Variants in GSTT4 observed in about 807,000 individuals in gnomAD.
GSTT4 encodes the protein glutathione S-transferase theta 4, also known as glutathione S-transferase theta-4.
rs368378952 is a variant in GSTT4 at position 23,998,448 on chromosome 22, GT to G, written c.*93del. The G allele has an allele frequency of 0.025, 902 of 35,582 alleles. 11 individuals carry two copies. The highest frequency in any genetic ancestry group is 0.071 in the African/African-American group (823 of 11,574). 2.2% of individuals were successfully genotyped at this position (35,582 alleles called of 1,614,324 possible). ...TTAGGCAAAGAACAGTTGTTTTTTT[GT>G]TTTTTTGTTTTTTTTTTTTTAACAT... is the stretch of plus-strand genomic sequence containing the variant. On this transcript the variant is annotated 3_prime_UTR_variant, in exon 5 of 5. Coordinates refer to ENST00000621179, the MANE Select transcript of GSTT4 (RefSeq NM_001358664.2).
At chr22:23,989,591 G>C in the GSTT4 span, among the ~76,000 whole-genome samples, 1 of 148,282 alleles carries the variant, frequency 6.7e-6, no homozygotes, top group African/African-American at 2.4e-5. Flanking sequence ...TGGGTGACCT[G>C]TCAATACCCC....
At chr22:23,992,003 AGCTCACGCCACT>A in the GSTT4 span, among the ~76,000 whole-genome samples, 3 of 135,696 alleles carry the variant, frequency 2.2e-5, no homozygotes, top group South Asian at 8.1e-4. Context: ...CAGTGAGCCG[AGCTCACGCCACT>A]GCACTCCAGC....
intron 1 of GSTT4, chr22:24,004,835 C>G (rs1177042332): frequency 6.5e-6 from 1 of 153,448 alleles, no homozygotes; most frequent in African/African-American, 2.4e-5. Context: ...CCCTGTGGAC[C>G]TCTGGGGTGA....
At position 24,001,211 on chromosome 22, in the gene GSTT4, G is replaced by A. The variant is rs2034222359; in HGVS notation, c.315C>T (p.Ala105=). The A allele has an allele frequency of 6.7e-6, 1 of 150,048 alleles. No individual in the cohort carries two copies. Among genetic ancestry groups the A allele is most frequent in the Non-Finnish European group, 1.5e-5 (1 of 67,514 alleles). The allele number at this position is 150,048 out of a possible 1,614,324, so 9.3% of individuals were successfully genotyped here. ...VDEFVAWQHT[A]FQLPMKKIVW... Reference sequence around the variant, plus strand: ...CTATCTTCTTCATGGGCAGCTGAAAGGCCGTGTGTTGCCAAGCCACGAACT... The same window carrying A: ...CTATCTTCTTCATGGGCAGCTGAAAAGCCGTGTGTTGCCAAGCCACGAACT... The change falls in exon 3 of 5, where the codon GCC becomes GCT. Residue 105 remains alanine, a synonymous_variant. Transcript: ENST00000621179.
chr22:24,002,830 C>CAAA (rs57115393), intron 2 of GSTT4, among the ~76,000 whole-genome samples: 52 of 89,818 alleles, frequency 5.8e-4, no homozygotes, highest in East Asian at 1.2e-3. Flanking sequence ...GACTCCGTCT[C>CAAA]AAAAAAAAAA....
chr22:24,005,047 C>T (rs1398052186), intron 1 of GSTT4, 198 bp downstream of exon 1: 6 of 152,256 alleles, frequency 3.9e-5, no homozygotes, highest in African/African-American at 7.2e-5. Context: ...CACCTCTAAT[C>T]CCAGCTACTT....
downstream of GSTT4, among the ~76,000 whole-genome samples, chr22:23,997,855 C>A (rs2034132365): frequency 6.6e-6 from 1 of 152,102 alleles, no homozygotes; most frequent in Non-Finnish European, 1.5e-5. Flanking sequence ...TAAATCTGGG[C>A]ATGTTGTGTT....
At chr22:23,990,024 C>CCT in the GSTT4 span, among the ~76,000 whole-genome samples, 5 of 150,244 alleles carry the variant, frequency 3.3e-5, no homozygotes, top group Non-Finnish European at 5.9e-5. Flanking sequence ...CAGGGTCCTC[C>CCT]CTCTGGCCTG....
downstream of GSTT4, among the ~76,000 whole-genome samples, chr22:23,995,041 T>C (rs190947619): frequency 4.5e-4 from 69 of 152,332 alleles, no homozygotes; most frequent in Non-Finnish European, 5.4e-4. Flanking sequence ...TCTGTCCCTC[T>C]GGGCTCTGGG....
chr22:24,002,906 TAG>T (rs1329521336), intron 2 of GSTT4, among the ~76,000 whole-genome samples: 10 of 147,716 alleles, frequency 6.8e-5, no homozygotes, highest in African/African-American at 2.5e-4. Context: ...GAGATAATCA[TAG>T]AGTTTTGAAC....
Position 24,000,006 on chromosome 22 carries a change from T to A in GSTT4, c.528+69A>T, listed in dbSNP as rs1452434248. On this transcript the variant is annotated intron_variant, in intron 4 of 4. Transcript: ENST00000621179. The stretch of plus-strand genomic sequence containing the variant: ...GCCTCACCAGCCTATCCTCAAGTGA[T>A]GGCCCCATTGGTCACAGAGGAGTCC... 12 of 155,244 alleles carry A rather than the reference T, an allele frequency of 7.7e-5. 1 individual carries two copies. The highest frequency in any genetic ancestry group is 2.9e-4 in the African/African-American group (12 of 41,514). The allele number at this position is 155,244 out of a possible 1,614,324, so 9.6% of individuals were successfully genotyped here.
chr22:23,997,715 G>A (rs1021140151), downstream of GSTT4, among the ~76,000 whole-genome samples: 1 of 152,112 alleles, frequency 6.6e-6, no homozygotes, highest in Admixed American at 6.5e-5. Context: ...GTGGTGTTGG[G>A]TTGAGTTTGC....
chr22:23,998,837 A>G (rs2034163964), intron 4 of GSTT4, 98 bp from the exon 5 acceptor site: 1 of 154,226 alleles, frequency 6.5e-6, no homozygotes, highest in African/African-American at 2.4e-5. Flanking sequence ...ACATCTACCT[A>G]TGCAAAGAAT....
chr22:23,996,134 G>T (rs1569036711), downstream of GSTT4, among the ~76,000 whole-genome samples: 1 of 152,020 alleles, frequency 6.6e-6, no homozygotes, highest in Non-Finnish European at 1.5e-5. Context: ...AGTAGAGACG[G>T]GGTTTCACCA....
downstream of GSTT4, among the ~76,000 whole-genome samples, chr22:23,995,292 C>G (rs2034105517): frequency 1.6e-5 from 1 of 62,754 alleles, no homozygotes; most frequent in South Asian, 5.7e-4. Context: ...GCCACCACAC[C>G]CAGCTAATTT....
chr22:24,003,613 TG>T, intron 2 of GSTT4, 146 bp downstream of exon 2: 1 of 153,832 alleles, frequency 6.5e-6, no homozygotes, highest in Non-Finnish European at 1.5e-5. Flanking sequence ...GATGGATTTG[TG>T]GGGTTCCTCG....
At chr22:23,989,895 G>A in the GSTT4 span, among the ~76,000 whole-genome samples, 1 of 150,878 alleles carries the variant, frequency 6.6e-6, no homozygotes, top group African/African-American at 2.4e-5. Flanking sequence ...CTACTGAATG[G>A]ACATGCACAC....
chr22:23,995,464 G>T (rs537936008), downstream of GSTT4, among the ~76,000 whole-genome samples: 15 of 137,746 alleles, frequency 1.1e-4, no homozygotes, highest in Middle Eastern at 7.5e-3. Context: ...TTATCCAATC[G>T]TTCAACAGAT....
the GSTT4 span, among the ~76,000 whole-genome samples, chr22:23,993,301 G>C: frequency 1.1e-4 from 17 of 152,170 alleles, no homozygotes; most frequent in Non-Finnish European, 2.2e-4. Context: ...AGCCTCAAGA[G>C]ACCCTCCTGC....
Sources: allele counts gnomAD v4.1 joint callset (sites outside exome capture counted in the v4.1 genomes callset), GRCh38; gene constraint gnomAD v4.1.1; transcripts MANE v1.5; gene names NCBI Gene and HGNC (gene_info 2026-07-23, HGNC 2026-07-21).